Variants in OLA1 observed in about 807,000 individuals in gnomAD.
OLA1 encodes obg-like ATPase 1.
A neutral mutation model predicts 48.4 loss-of-function variants in OLA1; 14 were observed. That is an observed-to-expected ratio of 0.29 (90% CI 0.19 to 0.45). The LOEUF (loss-of-function observed/expected upper bound fraction) is 0.45. Ranked by LOEUF, OLA1 falls within the 20% of genes least tolerant of loss-of-function variation. OLA1 has a pLI of 1.00. For synonymous variants in OLA1, 127 were observed against 150.4 expected, an observed-to-expected ratio of 0.84 and a Z score of 1.14; for missense variants, 325 against 467.1, an observed-to-expected ratio of 0.70 and a Z score of 2.80.
chr2:174,218,091 A>G (rs546651195), intron 4 of OLA1: 34 of 151,998 alleles, frequency 2.2e-4, no homozygotes, highest in African/African-American at 8.2e-4. Context: ...ACACATTACA[A>G]CCTCAACTAC....
intron 4 of OLA1, among the ~76,000 whole-genome samples, chr2:174,169,546 C>G (rs983772233): frequency 7.9e-5 from 12 of 152,044 alleles, no homozygotes; most frequent in Non-Finnish European, 2.9e-5. Flanking sequence ...ACCTGTCAAC[C>G]AAGAATTTTA....
At chr2:174,171,537 A>G (rs1258440043) in intron 4 of OLA1, among the ~76,000 whole-genome samples, 2 of 150,614 alleles carry the variant, frequency 1.3e-5, no homozygotes, top group African/African-American at 2.5e-5. Flanking sequence ...AGAAGTCACA[A>G]GAGAAATAAG....
chr2:174,113,464 C>A (rs888231468), intron 7 of OLA1, among the ~76,000 whole-genome samples: 1 of 151,814 alleles, frequency 6.6e-6, no homozygotes, highest in Admixed American at 6.6e-5. Flanking sequence ...CATGATATTG[C>A]GTAAAAATGC....
intron 4 of OLA1, among the ~76,000 whole-genome samples, chr2:174,144,945 A>ATATATATAT (rs1307616947): frequency 4.5e-4 from 31 of 68,242 alleles, no homozygotes; most frequent in East Asian, 1.5e-3. Flanking sequence ...AAAAAAAAAA[A>ATATATATAT]AAAAAAATAT....
At chr2:174,143,996 G>T (rs1468842546) in intron 4 of OLA1, among the ~76,000 whole-genome samples, 1 of 147,900 alleles carries the variant, frequency 6.8e-6, no homozygotes, top group Non-Finnish European at 1.5e-5. Context: ...CTTGGCTACT[G>T]GGGAGGCTAA....
chr2:174,082,046 C>T lies in OLA1; in HGVS notation c.747G>A (p.Glu249=), dbSNP rs1288444465. 6.2e-7 allele frequency: 1 copy of T among 1,613,372 alleles called. No individual in the cohort carries two copies. Among genetic ancestry groups the T allele is most frequent in the East Asian group, 2.2e-5 (1 of 44,848 alleles). Reference sequence around the variant, plus strand: ...CACCTGGGTCATACTTGTCCACCCACTCTTTAATTTTTATCAACCTGTAGA... The same window carrying T: ...CACCTGGGTCATACTTGTCCACCCATTCTTTAATTTTTATCAACCTGTAGA... ...KKNKWLIKIK[E]WVDKYDPGAL... is the part of the protein sequence containing the mutation. Residue 249 remains glutamate, a synonymous_variant, in exon 8 of 11, where the codon GAG becomes GAA. Coordinates refer to ENST00000284719, the MANE Select transcript of OLA1 (RefSeq NM_013341.5).
chr2:174,082,923 A>G (rs139163890), intron 7 of OLA1, among the ~76,000 whole-genome samples: 319 of 152,264 alleles, frequency 2.1e-3, no homozygotes, highest in African/African-American at 7.1e-3. Flanking sequence ...ATTACTGGGC[A>G]GGTTACTGAA....
chr2:174,188,303 T>C (rs1438578948), intron 4 of OLA1, among the ~76,000 whole-genome samples: 2 of 152,102 alleles, frequency 1.3e-5, no homozygotes, highest in East Asian at 3.9e-4. Context: ...TCGAGCAGAA[T>C]GTCTCCTCAC....
chr2:174,190,458 A>T (rs1687748553), intron 4 of OLA1, among the ~76,000 whole-genome samples: 2 of 152,122 alleles, frequency 1.3e-5, no homozygotes, highest in Admixed American at 6.6e-5. Context: ...AAAACTAGTA[A>T]GTTACAAAGC....
chr2:174,184,840 A>T lies in OLA1; in HGVS notation c.373+38193T>A, dbSNP rs188800640. Among the ~76,000 whole-genome samples the T allele has an allele frequency of 2.6e-5, 4 of 152,320 alleles. 1 individual carries two copies. Among genetic ancestry groups the T allele is most frequent in the African/African-American group, 9.6e-5 (4 of 41,578 alleles). ...TATGTTAAACAAGAAAAACAAGTTTAAGCATCATATGCATAATATGTTCTC... is the reference window on the plus strand; with the variant it reads ...TATGTTAAACAAGAAAAACAAGTTTTAGCATCATATGCATAATATGTTCTC... On this transcript the variant is annotated intron_variant, in intron 4 of 10. Transcript: ENST00000284719.
chr2:174,208,431 C>A (rs936977802), intron 4 of OLA1, among the ~76,000 whole-genome samples: 2 of 152,176 alleles, frequency 1.3e-5, no homozygotes, highest in Admixed American at 1.3e-4. Context: ...CCTCTCTAAT[C>A]AGCTATACAA....
chr2:174,138,689 T>C (rs1402019298), intron 5 of OLA1, among the ~76,000 whole-genome samples: 1 of 152,116 alleles, frequency 6.6e-6, no homozygotes, highest in African/African-American at 2.4e-5. Context: ...AAAGTGAAGG[T>C]CAATAAAATG....
chr2:174,130,712 C>T (rs1686161140), intron 5 of OLA1, among the ~76,000 whole-genome samples: 1 of 152,050 alleles, frequency 6.6e-6, no homozygotes, highest in African/African-American at 2.4e-5. Flanking sequence ...AAAAGGAATA[C>T]TGATAATTTA....
chr2:174,109,362 C>T (rs1685588504), intron 7 of OLA1, among the ~76,000 whole-genome samples: 1 of 152,030 alleles, frequency 6.6e-6, no homozygotes, highest in Non-Finnish European at 1.5e-5. Context: ...TTATACTTGG[C>T]CACCAATACA....
At chr2:174,146,021 C>A (rs993179305) in intron 4 of OLA1, among the ~76,000 whole-genome samples, 1 of 152,100 alleles carries the variant, frequency 6.6e-6, no homozygotes, top group Non-Finnish European at 1.5e-5. Flanking sequence ...GCCAAACGGC[C>A]AGAGGGAGGC....
intron 4 of OLA1, among the ~76,000 whole-genome samples, chr2:174,195,947 T>A (rs528642270): frequency 6.6e-6 from 1 of 152,266 alleles, no homozygotes; most frequent in East Asian, 1.9e-4. Context: ...TCAACCCAAA[T>A]AATGTCAATA....
At chr2:174,091,305 A>G (rs1685108141) in intron 7 of OLA1, among the ~76,000 whole-genome samples, 1 of 152,264 alleles carries the variant, frequency 6.6e-6, no homozygotes, top group Non-Finnish European at 1.5e-5. Context: ...AGAACAAGGG[A>G]AGAAGGGACA....
At chr2:174,240,464 C>G (rs1034176307) in intron 2 of OLA1, 8 of 151,860 alleles carry the variant, frequency 5.3e-5, no homozygotes, top group African/African-American at 1.9e-4. Context: ...GAGACCAGCT[C>G]AAATTTTTTT....
intron 7 of OLA1, among the ~76,000 whole-genome samples, chr2:174,095,728 A>G (rs1043745122): frequency 2.6e-5 from 4 of 152,192 alleles, no homozygotes; most frequent in Non-Finnish European, 5.9e-5. Context: ...ACTATCAAGA[A>G]AGTGAAAAGG....
Sources: gnomAD v4.1 joint callset for allele counts (sites outside exome capture counted in the v4.1 genomes callset) on GRCh38, gnomAD v4.1.1 for gene constraint, MANE v1.5 for transcripts, NCBI Gene and HGNC (gene_info 2026-07-23, HGNC 2026-07-21) for gene names.